The following KDM7A variants were observed in gnomAD, a reference collection of about 807,000 sequenced individuals.
The protein encoded by KDM7A is lysine-specific demethylase 7A.
A neutral mutation model predicts 114.8 loss-of-function variants in KDM7A; 28 were observed. The observed-to-expected ratio is 0.24, with a 90% CI of 0.18 to 0.33. The LOEUF is 0.33. Among genes scored for constraint, KDM7A ranks in the 10% least tolerant of loss-of-function variants. The pLI is 1.00. For missense variants in KDM7A, 942 were observed against 1,142.5 expected (o/e 0.82, Z 2.53); for synonymous variants, 423 against 397.8 (o/e 1.06, Z -0.75).
intron 1 of KDM7A, among the ~76,000 whole-genome samples, chr7:140,164,786 A>T (rs1046398917): frequency 6.6e-6 from 1 of 152,218 alleles, no homozygotes; most frequent in African/African-American, 2.4e-5. Context: ...AATTTGCTTC[A>T]AAGTAGCCAG....
In KDM7A at chr7:140,091,834, G is replaced by T; in HGVS notation, c.2701C>A (p.Pro901Thr). 1 of 1,612,048 alleles carries T rather than the reference G, an allele frequency of 6.2e-7. No homozygotes were observed. Among genetic ancestry groups the T allele is most frequent in the Non-Finnish European group, 8.5e-7 (1 of 1,179,492 alleles). ...GTTGCCTGGTTGCTGATAGGTGGTG[G>T]ATTTGATGCCGGTCTCTTGGTGGGG... ...LHPTKRPASN[P>T]PPISNQATKG... Residue 901 changes from proline to threonine, a missense_variant, in exon 19 of 20, where the codon CCA becomes ACA. By Grantham distance (38) the Pro-to-Thr change is conservative (BLOSUM62 -1). Around this residue, in one of 4 missense-constraint regions of KDM7A, gnomAD observed 512 missense variants for 576.6 expected, o/e 0.89. Transcript: ENST00000397560.
chr7:140,150,239 T>A (rs1489438588), intron 1 of KDM7A, among the ~76,000 whole-genome samples: 1 of 152,228 alleles, frequency 6.6e-6, no homozygotes, highest in East Asian at 1.9e-4. Context: ...TATTTTTGAC[T>A]GATGAATTCT....
At chr7:140,146,981 T>G (rs960966675) in intron 1 of KDM7A, among the ~76,000 whole-genome samples, 2 of 152,158 alleles carry the variant, frequency 1.3e-5, no homozygotes, top group Non-Finnish European at 2.9e-5. Context: ...TGGACTTCAT[T>G]AGATATTCCT....
chr7:140,157,231 T>C (rs999425497), intron 1 of KDM7A, among the ~76,000 whole-genome samples: 4 of 152,254 alleles, frequency 2.6e-5, no homozygotes, highest in Admixed American at 2.6e-4. Flanking sequence ...CAACTCACTA[T>C]GTGACAGTTC....
chr7:140,119,765 C>T (rs1818589438), intron 8 of KDM7A, among the ~76,000 whole-genome samples: 1 of 152,164 alleles, frequency 6.6e-6, no homozygotes, highest in African/African-American at 2.4e-5. Context: ...CACTATCTCC[C>T]CTAATAACGC....
intron 10 of KDM7A, among the ~76,000 whole-genome samples, chr7:140,111,685 G>A (rs556829284): frequency 6.6e-6 from 1 of 152,278 alleles, no homozygotes; most frequent in South Asian, 2.1e-4. Flanking sequence ...AAGGCCGGGC[G>A]CAGTGACTCA....
At chr7:140,167,278 A>C (rs1039464273) in intron 1 of KDM7A, among the ~76,000 whole-genome samples, 2 of 106,172 alleles carry the variant, frequency 1.9e-5, no homozygotes, top group African/African-American at 7.6e-5. Context: ...AATCTGCAAG[A>C]ATAACCAGAA....
chr7:140,113,092 T>C (rs1199545711), intron 10 of KDM7A, among the ~76,000 whole-genome samples: 2 of 152,198 alleles, frequency 1.3e-5, no homozygotes, highest in African/African-American at 2.4e-5. Context: ...TTCCCATATG[T>C]AGAATGGTGG....
At position 140,129,603 on chromosome 7, in the gene KDM7A, T is replaced by C. The variant is rs368215003; in HGVS notation, c.449A>G (p.Tyr150Cys). 3.7e-6 allele frequency: 6 copies of C among 1,611,214 alleles called. No homozygotes were observed. The highest frequency in any genetic ancestry group is 1.3e-5 in the African/African-American group (1 of 74,982). Reference sequence around the variant, plus strand: ...GACATCAAATCCATGTTTCTCCAGATATCTTTGTGTCAGCTGGCTGCCATG... The same window carrying C: ...GACATCAAATCCATGTTTCTCCAGACATCTTTGTGTCAGCTGGCTGCCATG... ...KMHGSQLTQRYLEKHGFDVPI... is the reference protein window; with the variant it reads ...KMHGSQLTQRCLEKHGFDVPI... The change falls in exon 4 of 20, where the codon TAT becomes TGT. Residue 150 changes from tyrosine to cysteine, a missense_variant. Coordinates refer to ENST00000397560, the MANE Select transcript of KDM7A (RefSeq NM_030647.2).
intron 18 of KDM7A, among the ~76,000 whole-genome samples, 168 bp downstream of exon 18, chr7:140,093,888 C>A (rs886201374): frequency 1.3e-5 from 2 of 152,186 alleles, no homozygotes; most frequent in African/African-American, 4.8e-5. Context: ...GTTATCATTT[C>A]GGCATCTCTC....
In KDM7A at chr7:140,094,076, T is replaced by G. The variant is rs745327680; in HGVS notation, c.2437A>C (p.Thr813Pro). 3.1e-6 allele frequency: 5 copies of G among 1,588,912 alleles called. No homozygotes were observed. The East Asian group carries it at 1.1e-4, about 35-fold the overall frequency. Residue 813 changes from threonine (T) to proline (P), a missense_variant, in exon 18 of 20, where the codon ACT (threonine) becomes CCT (proline). This residue lies in a region of KDM7A where 512 missense variants were observed against 576.6 expected (regional missense o/e 0.89). Transcript: ENST00000397560. ...TATACCTGAGGATGAAATCTGGAAGTATCAAACTGTTTAATCCAGGAGGAA... is the reference window on the plus strand; with the variant it reads ...TATACCTGAGGATGAAATCTGGAAGGATCAAACTGTTTAATCCAGGAGGAA... ...RTSSWIKQFD[T>P]SRFHPQDLSR...
rs1372079622 is a variant in KDM7A at position 140,139,814 on chromosome 7, C to CAAGATAA, written c.195-631_195-625dup. On this transcript the variant is annotated intron_variant, in intron 1 of 19. Transcript: ENST00000397560. ...AAAGCTGGTAAACCTCTAGCAAGGC[C>CAAGATAA]AAGATAAAAGAGAAAAGGCATAGCC... 5.2e-4 allele frequency among the ~76,000 whole-genome samples: 79 copies of CAAGATAA among 151,902 alleles called. 1 individual carries two copies. The highest frequency in any genetic ancestry group is 5.1e-3 in the Admixed American group (78 of 15,258).
rs757442049 is a variant in KDM7A, at chr7:140,124,601, G to C, written c.1051+20C>G. The stretch of plus-strand genomic sequence containing the variant: ...GTGACTATCAATCATGTTGAGTAGG[G>C]GATGGGATGAAAACCTTACCTGTAG... On this transcript the variant is annotated intron_variant, in intron 7 of 19. Transcript: ENST00000397560. The C allele has an allele frequency of 3.8e-6, 6 of 1,588,174 alleles. No homozygotes were observed. The South Asian group carries it at 6.9e-5, about 18-fold the overall frequency.
chr7:140,107,300 T>C (rs1195347727), intron 11 of KDM7A, among the ~76,000 whole-genome samples: 2 of 152,348 alleles, frequency 1.3e-5, no homozygotes, highest in Admixed American at 1.3e-4. Context: ...ATGTGTGAAT[T>C]TGATCCACTC....
At chr7:140,168,722 A>G (rs2116858119) in intron 1 of KDM7A, among the ~76,000 whole-genome samples, 1 of 152,344 alleles carries the variant, frequency 6.6e-6, no homozygotes, top group Middle Eastern at 3.4e-3. Context: ...CTCTAAGGCC[A>G]AAGGCAAAAA....
Position 140,135,025 on chromosome 7 carries a change from C to G in KDM7A, c.281-1369G>C, listed in dbSNP as rs28673447. 1.3e-3 allele frequency among the ~76,000 whole-genome samples: 173 copies of G among 129,942 alleles called. 1 individual carries two copies. Among genetic ancestry groups the G allele is most frequent in the African/African-American group, 5.2e-3 (164 of 31,296 alleles). 85.2% of individuals were successfully genotyped at this position (129,942 alleles called of 152,430 possible). A position where few individuals can be genotyped will look rare whatever the true frequency, so the allele number is the denominator to read the frequency against. On this transcript the variant is annotated intron_variant, in intron 2 of 19. Transcript: ENST00000397560. ...CAGCCAAATCTTCAATATGGAAGAG[C>G]GTAAGTCCCATTAAAAAAAAAAAAA...
intron 7 of KDM7A, 24 bp downstream of exon 7, chr7:140,124,597 T>C (rs1313909892): frequency 5.1e-6 from 8 of 1,580,126 alleles, no homozygotes; most frequent in African/African-American, 2.7e-5. Flanking sequence ...TCATGTTGAG[T>C]AGGGGATGGG....
chr7:140,154,145 C>A (rs1441383270), intron 1 of KDM7A, among the ~76,000 whole-genome samples: 1 of 152,094 alleles, frequency 6.6e-6, no homozygotes. Context: ...CAGAACCCTG[C>A]AAAGCAAGGA....
intron 1 of KDM7A, among the ~76,000 whole-genome samples, chr7:140,171,740 T>C (rs901336427): frequency 6.6e-6 from 1 of 151,642 alleles, no homozygotes; most frequent in Admixed American, 6.6e-5. Context: ...TAGCCCCACT[T>C]ATGCCTGTAC....
Sources: allele counts gnomAD v4.1 joint callset (sites outside exome capture counted in the v4.1 genomes callset), GRCh38; gene constraint gnomAD v4.1.1; regional missense constraint gnomAD v4.1.1; transcripts MANE v1.5; gene names NCBI Gene and HGNC (gene_info 2026-07-23, HGNC 2026-07-21).